Variants in ATP2B2 observed in about 807,000 individuals in gnomAD.
ATP2B2 encodes plasma membrane calcium-transporting ATPase 2.
ATP2B2 carries 15 observed loss-of-function variants against 120.0 expected under a neutral mutation model. That is an observed-to-expected ratio of 0.12 (90% confidence interval 0.08 to 0.19). ATP2B2 has a LOEUF of 0.19. ATP2B2 is among the 10% of genes least tolerant of loss of function. The pLI is 1.00. For synonymous variants in ATP2B2, 694 were observed against 700.3 expected (o/e 0.99, Z 0.14); for missense variants, 1,045 against 1,719.8 (o/e 0.61, Z 6.94).
chr3:10,425,214 G>T (rs907625979), intron 2 of ATP2B2, among the ~76,000 whole-genome samples: 6 of 152,000 alleles, frequency 3.9e-5, no homozygotes, highest in Non-Finnish European at 8.8e-5. Context: ...GGAGGCTGAG[G>T]AAGGAGAATC....
chr3:10,504,293 A>C (rs2066514013), intron 1 of ATP2B2, among the ~76,000 whole-genome samples: 1 of 152,108 alleles, frequency 6.6e-6, no homozygotes, highest in Admixed American at 6.5e-5. Context: ...ACGTCAAAGG[A>C]GAATTTCTCC....
At chr3:10,630,686 G>T (rs1051144869) in intron 1 of ATP2B2, among the ~76,000 whole-genome samples, 2 of 152,194 alleles carry the variant, frequency 1.3e-5, no homozygotes, top group Non-Finnish European at 2.9e-5. Flanking sequence ...TGGCTCAGGT[G>T]AAGTTATTGT....
At chr3:10,697,600 G>A (rs1208936142) in intron 1 of ATP2B2, among the ~76,000 whole-genome samples, 1 of 152,156 alleles carries the variant, frequency 6.6e-6, no homozygotes, top group Non-Finnish European at 1.5e-5. Flanking sequence ...TCTTCCTATG[G>A]ATGTATTCCC....
At chr3:10,695,262 G>C (rs145356619) in intron 1 of ATP2B2, among the ~76,000 whole-genome samples, 1 of 151,598 alleles carries the variant, frequency 6.6e-6, no homozygotes, top group South Asian at 2.1e-4. Context: ...GAGAGAGAGA[G>C]AGAGAGAGAG....
intron 1 of ATP2B2, among the ~76,000 whole-genome samples, chr3:10,451,921 C>T (rs2125193577): frequency 6.6e-6 from 1 of 152,334 alleles, no homozygotes. Context: ...GTACCAGGCA[C>T]TGTGGGATGA....
intron 1 of ATP2B2, among the ~76,000 whole-genome samples, chr3:10,502,595 G>A (rs557111139): frequency 4.6e-5 from 7 of 152,318 alleles, no homozygotes; most frequent in African/African-American, 1.4e-4. Context: ...TTTTATAAAC[G>A]GTCCCAGCTA....
intron 1 of ATP2B2, among the ~76,000 whole-genome samples, chr3:10,666,406 C>T (rs1281304593): frequency 5.3e-5 from 8 of 152,168 alleles, no homozygotes; most frequent in Admixed American, 5.2e-4. Flanking sequence ...CTCTCTACAA[C>T]ACTGTTTTCC....
At chr3:10,432,754 T>C (rs1471566511) in intron 2 of ATP2B2, among the ~76,000 whole-genome samples, 1 of 152,244 alleles carries the variant, frequency 6.6e-6, no homozygotes, top group African/African-American at 2.4e-5. Context: ...CCCTGGGACC[T>C]GTCTCTTGAC....
rs1262764128 is a variant in ATP2B2, at chr3:10,511,893, T to C, written c.-320+22146A>G. On this transcript the variant is annotated intron_variant, in intron 3 of 21. Transcript: ENST00000646379. Reference sequence around the variant, plus strand: ...AACATTGACGTGTGTGTGTTTTCACTCTTGCTGAAAGGCTGCCTCCCTGAA... The same window carrying C: ...AACATTGACGTGTGTGTGTTTTCACCCTTGCTGAAAGGCTGCCTCCCTGAA... Among the ~76,000 whole-genome samples the C allele has an allele frequency of 4.6e-5, 7 of 152,160 alleles. No homozygotes were observed. The East Asian group carries it at 5.8e-4, about 13-fold the overall frequency.
intron 2 of ATP2B2, among the ~76,000 whole-genome samples, chr3:10,439,860 A>G (rs922935255): frequency 1.3e-5 from 2 of 151,628 alleles, no homozygotes; most frequent in African/African-American, 4.8e-5. Context: ...GGTTCAAGTG[A>G]TTCTTGTGCC....
At chr3:10,618,213 A>G (rs1302104649) in intron 2 of ATP2B2, among the ~76,000 whole-genome samples, 1 of 152,242 alleles carries the variant, frequency 6.6e-6, no homozygotes, top group African/African-American at 2.4e-5. Context: ...TTAATGGTCA[A>G]GTGACTTTGG....
chr3:10,486,326 T>TGTGTGC (rs386417995), intron 1 of ATP2B2, among the ~76,000 whole-genome samples: 8,717 of 104,946 alleles, frequency 0.083, 459 homozygotes, highest in African/African-American at 0.18. Flanking sequence ...TGTGCGTGCG[T>TGTGTGC]GTGTGTGTGT....
At chr3:10,339,497 G>A (rs764819686) in intron 21 of ATP2B2, among the ~76,000 whole-genome samples, 1 of 152,186 alleles carries the variant, frequency 6.6e-6, no homozygotes, top group Non-Finnish European at 1.5e-5. Context: ...TGTGTCCTGG[G>A]TCAGGAGCCT....
rs568977350 is a variant in ATP2B2 at position 10,375,604 on chromosome 3, G to C, written c.1242C>G (p.Leu414=). The stretch of plus-strand genomic sequence containing the variant: ...CCACGAAGGTGTCCACAGTGAAGTA[G>C]AGCACCAGGATGATCACCGTGATGG... ...MSAITVIILV[L]YFTVDTFVVN... The change falls in exon 11 of 23, where the codon CTC becomes CTG. Residue 414 remains leucine, a synonymous_variant. Transcript: ENST00000360273. This position sits in a 1 kb window ranked among gnomAD's most constrained non-coding sequence, Gnocchi z 4.2. 5.6e-6 allele frequency: 9 copies of C among 1,613,816 alleles called. No individual in the cohort carries two copies. Among genetic ancestry groups the C allele is most frequent in the South Asian group, 4.4e-5 (4 of 91,090 alleles).
intron 1 of ATP2B2, among the ~76,000 whole-genome samples, chr3:10,683,572 A>G (rs1186484812): frequency 6.6e-6 from 1 of 151,706 alleles, no homozygotes; most frequent in African/African-American, 2.4e-5. Flanking sequence ...GGTTGCTAGC[A>G]ATGAAACTAT....
rs114267976 is a variant in ATP2B2, at chr3:10,646,800, T to G, written c.-459-26839A>C. On this transcript the variant is annotated intron_variant, in intron 1 of 21. Coordinates refer to the ATP2B2 transcript ENST00000646379. ...TTGTGTGTTTATTGAGCATCTCCTG[T>G]TTGAGGCGCTCCACTAAGAGATTCA... Among the ~76,000 whole-genome samples the G allele has an allele frequency of 3.8e-3, 582 of 152,248 alleles. 2 individuals carry two copies. The highest frequency in any genetic ancestry group is 0.013 in the African/African-American group (553 of 41,554).
intron 22 of ATP2B2, among the ~76,000 whole-genome samples, chr3:10,333,146 G>A (rs2060026760): frequency 1.3e-5 from 2 of 152,198 alleles, no homozygotes; most frequent in South Asian, 4.1e-4. Context: ...CAGGTCAGAA[G>A]TCAGGCCCTG....
chr3:10,645,108 AAGAG>A (rs148258189), intron 1 of ATP2B2, among the ~76,000 whole-genome samples: 2 of 150,890 alleles, frequency 1.3e-5, no homozygotes, highest in East Asian at 1.9e-4. Context: ...TGGGGGAGAA[AAGAG>A]AGAGAGAGAG....
intron 2 of ATP2B2, among the ~76,000 whole-genome samples, chr3:10,597,723 C>G (rs561632877): frequency 2.0e-5 from 3 of 152,352 alleles, no homozygotes; most frequent in African/African-American, 7.2e-5. Flanking sequence ...CTCTGTGCCT[C>G]AGTTTCCACA....
Sources: gnomAD v4.1 joint callset for allele counts (sites outside exome capture counted in the v4.1 genomes callset) on GRCh38, gnomAD v4.1.1 for gene constraint, Gnocchi (gnomAD v3.1) non-coding constraint, MANE v1.5 for transcripts, NCBI Gene and HGNC (gene_info 2026-07-23, HGNC 2026-07-21) for gene names.